STYXL2: variants seen among roughly 807,000 people sequenced by gnomAD.
STYXL2 encodes the protein serine/threonine/tyrosine-interacting-like protein 2.
A neutral mutation model predicts 52.4 loss-of-function variants in STYXL2; 44 were observed. The ratio of observed to expected loss-of-function variants is 0.84; its 90% CI spans 0.66 to 1.08. STYXL2 has a LOEUF of 1.08. STYXL2 is among the 50% of genes least tolerant of loss of function. The pLI, the probability that STYXL2 is intolerant of heterozygous loss-of-function variation, is 0.00. For synonymous variants in STYXL2, 604 were observed against 586.9 expected, an observed-to-expected ratio of 1.03 and a Z score of -0.42; for missense variants, 1,604 against 1,471.7, an observed-to-expected ratio of 1.09 and a Z score of -1.47.
chr1:167,113,145 C>CT (rs34655509), intron 2 of STYXL2, among the ~76,000 whole-genome samples: 81,716 of 151,900 alleles, frequency 0.54, 22,720 homozygotes, highest in East Asian at 0.73. Context: ...ATTTCATGTG[C>CT]TCAGAATCAG....
chr1:167,114,589 T>A (rs1275662414), intron 3 of STYXL2, among the ~76,000 whole-genome samples: 2 of 152,176 alleles, frequency 1.3e-5, no homozygotes, highest in African/African-American at 4.8e-5. Context: ...TTGTCCATTC[T>A]AACTCTGGTA....
intron 2 of STYXL2, among the ~76,000 whole-genome samples, chr1:167,096,779 T>G (rs372376300): frequency 6.6e-6 from 1 of 152,198 alleles, no homozygotes; most frequent in African/African-American, 2.4e-5. Context: ...TCAGCCACAA[T>G]GTACTCCTCT....
chr1:167,128,451 GAGA>G lies in STYXL2; in HGVS notation c.3326_3328del (p.Glu1109del), dbSNP rs1344540500. On this transcript the variant is annotated inframe_deletion, in exon 6 of 6. Transcript: ENST00000361200. ...GGAGAGAAAGAGAGGACAGAAAACAGAGAAGAAGGGAGGTTTGCATCTGGACGG... is the reference window on the plus strand; with the variant it reads ...GGAGAGAAAGAGAGGACAGAAAACAGAGAAGGGAGGTTTGCATCTGGACGG... 6 of 1,614,036 alleles carry G rather than the reference GAGA, an allele frequency of 3.7e-6. No homozygotes were observed. Among genetic ancestry groups the G allele is most frequent in the African/African-American group, 1.3e-5 (1 of 74,924 alleles).
chr1:167,096,414 A>G (rs908629787), intron 2 of STYXL2, among the ~76,000 whole-genome samples: 4 of 152,118 alleles, frequency 2.6e-5, no homozygotes, highest in Non-Finnish European at 5.9e-5. Context: ...GTGTATTGCT[A>G]AGAGTAATGC....
In STYXL2 at chr1:167,119,428, C is replaced by T. The variant is rs768476992; in HGVS notation, c.617C>T (p.Ala206Val). Residue 206 changes from alanine to valine, a missense_variant, in exon 5 of 6, where the codon GCG becomes GTG. Ala to Val is a moderately conservative substitution (Grantham distance 64). Transcript: ENST00000361200. ...GACATTTCCCAGCATTTCCGGAAGG[C>T]GTCTGAGTTCCTGGATGAGGCGCTG... is the stretch of plus-strand genomic sequence containing the variant. ...EVDISQHFRK[A>V]SEFLDEALLT... 41 of 1,614,038 alleles carry T rather than the reference C, an allele frequency of 2.5e-5. No individual in the cohort carries two copies. The highest frequency in any genetic ancestry group is 3.4e-5 in the Non-Finnish European group (40 of 1,180,032).
At chr1:167,125,723 C>T in intron 5 of STYXL2, 64 bp from the exon 6 acceptor site, 1 of 1,498,792 alleles carries the variant, frequency 6.7e-7, no homozygotes, top group African/African-American at 1.4e-5. Flanking sequence ...AGAAAACAAA[C>T]AAACAAGAAC....
chr1:167,124,448 G>A (rs1279748763), intron 5 of STYXL2, among the ~76,000 whole-genome samples: 3 of 152,218 alleles, frequency 2.0e-5, no homozygotes, highest in Non-Finnish European at 4.4e-5. Context: ...CTGTTGGCAA[G>A]TAGATTGATG....
At chr1:167,114,990 A>G (rs1667697316) in intron 3 of STYXL2, among the ~76,000 whole-genome samples, 2 of 152,180 alleles carry the variant, frequency 1.3e-5, no homozygotes, top group African/African-American at 4.8e-5. Flanking sequence ...CATTCTGTGG[A>G]CCATTCTCCA....
Position 167,127,599 on chromosome 1 carries a change from T to C in STYXL2, c.2468T>C (p.Ile823Thr). 1.9e-6 allele frequency: 3 copies of C among 1,614,076 alleles called. No homozygotes were observed. Among genetic ancestry groups the C allele is most frequent in the East Asian group, 4.5e-5 (2 of 44,880 alleles). Residue 823 changes from isoleucine to threonine, a missense_variant, in exon 6 of 6, where the codon ATC becomes ACC. Ile to Thr is a moderately conservative substitution (Grantham distance 89). Coordinates refer to ENST00000361200, the MANE Select transcript of STYXL2 (RefSeq NM_001080426.3). The part of the protein sequence containing the change: ...RSKVRGTSKP[I>T]FSLFADNVDL... ...AAAGTGAGGGGGACCAGCAAGCCCA[T>C]CTTCAGCCTCTTTGCTGACAATGTG...
In STYXL2 at chr1:167,127,929, G is replaced by A. The variant is rs747951617; in HGVS notation, c.2798G>A (p.Ser933Asn). The change falls in exon 6 of 6, where the codon AGC becomes AAC. Residue 933 changes from serine to asparagine, a missense_variant. Physicochemically the swap from Ser to Asn is conservative, Grantham distance 46. Coordinates refer to ENST00000361200, the MANE Select transcript of STYXL2 (RefSeq NM_001080426.3). ...AGCAGAGTTGGCAAAGAGATGGATA[G>A]CAGTATTAATAAGTGGCTCAGTGGC... ...SGSRVGKEMDSSINKWLSGLR... is the reference protein window; with the variant it reads ...SGSRVGKEMDNSINKWLSGLR... 10 of 1,614,032 alleles carry A rather than the reference G, an allele frequency of 6.2e-6. No individual in the cohort carries two copies. The highest frequency in any genetic ancestry group is 8.5e-6 in the Non-Finnish European group (10 of 1,180,028).
rs766654484 is a variant in STYXL2, at chr1:167,117,279, G to T, written c.206-49G>T. 2.7e-6 allele frequency: 4 copies of T among 1,479,306 alleles called. No homozygotes were observed. The East Asian group carries it at 9.8e-5, about 36-fold the overall frequency. 91.6% of individuals were successfully genotyped at this position (1,479,306 alleles called of 1,614,324 possible). ...CATGTTCTCCCCAGGAACAAGGAAG[G>T]CCATGATGTTCCTAACTCTCTGATG... On this transcript the variant is annotated intron_variant, in intron 3 of 5. Coordinates refer to ENST00000361200, the MANE Select transcript of STYXL2 (RefSeq NM_001080426.3).
chr1:167,125,593 A>T (rs915452739), intron 5 of STYXL2, among the ~76,000 whole-genome samples, 194 bp from the exon 6 acceptor site: 3 of 152,148 alleles, frequency 2.0e-5, no homozygotes, highest in African/African-American at 7.2e-5. Context: ...GGGGATTGTG[A>T]TGTCTCCCAT....
rs1372020473 is a variant in STYXL2, at chr1:167,126,399, C to T, written c.1268C>T (p.Ala423Val). Residue 423 changes from alanine to valine, a missense_variant, in exon 6 of 6, where the codon GCT (alanine) becomes GTT (valine). By Grantham distance (64) the Ala-to-Val change is moderately conservative (BLOSUM62 0). Coordinates refer to ENST00000361200, the MANE Select transcript of STYXL2 (RefSeq NM_001080426.3). ...REEEKEEESD[A>V]GSSVGRRRRT... The stretch of plus-strand genomic sequence containing the variant: ...GAGGAGAAGGAGGAGGAGAGCGACG[C>T]TGGCTCCTCGGTGGGGAGGCGGCGG... The T allele has an allele frequency of 1.9e-6, 3 of 1,556,886 alleles. No homozygotes were observed. The highest frequency in any genetic ancestry group is 2.6e-6 in the Non-Finnish European group (3 of 1,150,598).
chr1:167,126,504 A>G lies in STYXL2; in HGVS notation c.1373A>G (p.Asn458Ser), dbSNP rs760051518. 1 of 1,611,390 alleles carries G rather than the reference A, an allele frequency of 6.2e-7. No individual in the cohort carries two copies. The highest frequency in any genetic ancestry group is 8.5e-7 in the Non-Finnish European group (1 of 1,179,014). Reference protein sequence around the residue: ...IWVLKQQLELNRPDHGRRRRA... With the variant: ...IWVLKQQLELSRPDHGRRRRA... ...GTCCTGAAGCAGCAGCTGGAGCTGA[A>G]CCGCCCGGACCACGGCAGGAGGCGC... The change falls in exon 6 of 6, where the codon AAC becomes AGC. Residue 458 changes from asparagine to serine, a missense_variant. Asn to Ser is a conservative substitution (Grantham distance 46). Transcript: ENST00000361200.
At chr1:167,110,083 C>T (rs1198741997) in intron 2 of STYXL2, among the ~76,000 whole-genome samples, 1 of 152,054 alleles carries the variant, frequency 6.6e-6, no homozygotes, top group Non-Finnish European at 1.5e-5. Context: ...AGCCTGAAGC[C>T]CTGGTGGCTC....
At chr1:167,124,045 G>A (rs1341801706) in intron 5 of STYXL2, among the ~76,000 whole-genome samples, 3 of 152,128 alleles carry the variant, frequency 2.0e-5, no homozygotes, top group Non-Finnish European at 4.4e-5. Flanking sequence ...AGCCTCCCAA[G>A]TAGCTGAGAC....
intron 5 of STYXL2, among the ~76,000 whole-genome samples, chr1:167,123,105 G>C (rs1377103813): frequency 6.6e-6 from 1 of 152,200 alleles, no homozygotes; most frequent in Non-Finnish European, 1.5e-5. Flanking sequence ...CATAACCCAA[G>C]TGTATTTTGA....
intron 2 of STYXL2, among the ~76,000 whole-genome samples, chr1:167,108,974 CAT>C (rs10617889): frequency 0.028 from 4,204 of 152,180 alleles, 109 homozygotes; most frequent in Non-Finnish European, 0.044. Context: ...AGCTGAGAAA[CAT>C]ATAAAAGTAG....
chr1:167,105,422 T>G (rs921340179), intron 2 of STYXL2, among the ~76,000 whole-genome samples: 2 of 152,220 alleles, frequency 1.3e-5, no homozygotes, highest in African/African-American at 4.8e-5. Context: ...CTAGGTCCTT[T>G]TTTTCCCTGC....
Sources: allele counts gnomAD v4.1 joint callset (sites outside exome capture counted in the v4.1 genomes callset), GRCh38; gene constraint gnomAD v4.1.1; transcripts MANE v1.5; gene names NCBI Gene and HGNC (gene_info 2026-07-23, HGNC 2026-07-21).